NOL4: variants seen among roughly 807,000 people sequenced by gnomAD.
NOL4 encodes cancer/testis antigen 125.
Under a neutral mutation model 75.9 loss-of-function variants are expected in NOL4, and 17 were observed. The ratio of observed to expected loss-of-function variants is 0.22; its 90% confidence interval spans 0.15 to 0.34. NOL4 has a LOEUF of 0.34. NOL4 is among the 10% of genes least tolerant of loss of function. NOL4 has a pLI of 1.00. For missense variants in NOL4, 614 were observed against 793.5 expected (o/e 0.77, Z 2.72); for synonymous variants, 292 against 289.9 (o/e 1.01, Z -0.07).
intron 6 of NOL4, among the ~76,000 whole-genome samples, chr18:33,978,034 A>G (rs1260065310): frequency 6.6e-6 from 1 of 152,086 alleles, no homozygotes; most frequent in East Asian, 1.9e-4. Flanking sequence ...TGCATTTTCC[A>G]TTGCCCAGAA....
intron 1 of NOL4, among the ~76,000 whole-genome samples, chr18:34,176,995 T>C (rs1192330852): frequency 6.6e-6 from 1 of 151,896 alleles, no homozygotes; most frequent in Non-Finnish European, 1.5e-5. Flanking sequence ...TTTTTTTAAA[T>C]ACAGGAATGG....
intron 1 of NOL4, among the ~76,000 whole-genome samples, chr18:34,185,123 T>TA (rs1403961359): frequency 6.6e-6 from 1 of 152,158 alleles, no homozygotes; most frequent in African/African-American, 2.4e-5. Context: ...CTTGCCTCCT[T>TA]ACACTAGATT....
intron 5 of NOL4, among the ~76,000 whole-genome samples, chr18:34,078,783 T>G (rs1398960499): frequency 6.6e-6 from 1 of 152,144 alleles, no homozygotes; most frequent in Non-Finnish European, 1.5e-5. Flanking sequence ...AGGTATATAA[T>G]AAACATAATA....
intron 1 of NOL4, among the ~76,000 whole-genome samples, chr18:34,130,755 C>T (rs951096667): frequency 6.6e-6 from 1 of 151,972 alleles, no homozygotes; most frequent in Non-Finnish European, 1.5e-5. Context: ...ATAATGAACC[C>T]TCAGTAAATG....
At chr18:33,955,752 A>C (rs751607982) in intron 8 of NOL4, among the ~76,000 whole-genome samples, 1 of 152,324 alleles carries the variant, frequency 6.6e-6, no homozygotes, top group Non-Finnish European at 1.5e-5. Flanking sequence ...TTAGCAGCCT[A>C]GTAAACAATG....
At chr18:34,185,856 C>A (rs62095783) in intron 1 of NOL4, among the ~76,000 whole-genome samples, 1 of 152,184 alleles carries the variant, frequency 6.6e-6, no homozygotes, top group Admixed American at 6.6e-5. Flanking sequence ...GGTCCTTTTG[C>A]TCTACCTCAA....
intron 6 of NOL4, among the ~76,000 whole-genome samples, chr18:34,007,400 T>C (rs2074097309): frequency 6.6e-6 from 1 of 151,948 alleles, no homozygotes; most frequent in East Asian, 1.9e-4. Flanking sequence ...GGGTTTAATC[T>C]GAAGTTAAGA....
At chr18:34,159,646 T>C (rs955151724) in intron 1 of NOL4, among the ~76,000 whole-genome samples, 11 of 151,994 alleles carry the variant, frequency 7.2e-5, no homozygotes, top group African/African-American at 2.7e-4. Context: ...CTGGCTTTAG[T>C]CCTTCTCTTC....
At chr18:34,061,333 G>T (rs2077054687) in intron 5 of NOL4, among the ~76,000 whole-genome samples, 1 of 152,126 alleles carries the variant, frequency 6.6e-6, no homozygotes, top group African/African-American at 2.4e-5. Flanking sequence ...ATAATGAGGT[G>T]TTATTGACAA....
chr18:34,109,352 G>T (rs2079472933), intron 2 of NOL4, among the ~76,000 whole-genome samples: 1 of 151,842 alleles, frequency 6.6e-6, no homozygotes, highest in Non-Finnish European at 1.5e-5. Context: ...CTCTAAAAAA[G>T]ATTATAAAAA....
intron 4 of NOL4, among the ~76,000 whole-genome samples, chr18:34,100,368 T>C (rs556412023): frequency 7.4e-4 from 113 of 152,196 alleles, no homozygotes; most frequent in African/African-American, 2.3e-3. Flanking sequence ...TCCTACCTCT[T>C]TCCCCTGCTC....
intron 2 of NOL4, among the ~76,000 whole-genome samples, chr18:34,123,415 A>G (rs982516470): frequency 6.6e-6 from 1 of 150,918 alleles, no homozygotes; most frequent in Admixed American, 6.6e-5. Flanking sequence ...TAAAACCTAT[A>G]TATGTTTGTG....
intron 9 of NOL4, among the ~76,000 whole-genome samples, chr18:33,898,951 T>A (rs571116993): frequency 1.3e-5 from 2 of 152,226 alleles, no homozygotes; most frequent in South Asian, 2.1e-4. Context: ...TTAACTCAAT[T>A]TTGCCTGTAA....
At chr18:34,013,541 C>T (rs1028439367) in intron 6 of NOL4, among the ~76,000 whole-genome samples, 1 of 151,928 alleles carries the variant, frequency 6.6e-6, no homozygotes, top group Non-Finnish European at 1.5e-5. Context: ...CTCTAGTCTC[C>T]AGACTTAAAT....
chr18:34,056,577 C>T (rs547963176), intron 5 of NOL4, among the ~76,000 whole-genome samples: 2 of 152,134 alleles, frequency 1.3e-5, no homozygotes, highest in Non-Finnish European at 2.9e-5. Context: ...GAAACCAATA[C>T]TTCAGGAAGC....
intron 1 of NOL4, among the ~76,000 whole-genome samples, chr18:34,190,599 T>A (rs1408981549): frequency 6.6e-6 from 1 of 151,908 alleles, no homozygotes; most frequent in Admixed American, 6.6e-5. Flanking sequence ...GTCTCTTTTT[T>A]ATCCTTGTAA....
chr18:34,193,555 A>G (rs758434486), intron 1 of NOL4, among the ~76,000 whole-genome samples: 5 of 152,092 alleles, frequency 3.3e-5, no homozygotes, highest in Non-Finnish European at 7.4e-5. Flanking sequence ...TCCCATACGC[A>G]CTATAATGGC....
chr18:34,096,287 T>C (rs879418320), intron 4 of NOL4, among the ~76,000 whole-genome samples: 2 of 152,122 alleles, frequency 1.3e-5, no homozygotes, highest in Non-Finnish European at 2.9e-5. Context: ...CTACTACATA[T>C]GAAATATAAT....
chr18:34,149,991 C>T (rs2081575046), intron 1 of NOL4, among the ~76,000 whole-genome samples: 1 of 151,674 alleles, frequency 6.6e-6, no homozygotes, highest in East Asian at 1.9e-4. Flanking sequence ...CCCTTTGAGG[C>T]AGACTATCGT....
Sources: gnomAD v4.1 joint callset for allele counts (sites outside exome capture counted in the v4.1 genomes callset) on GRCh38, gnomAD v4.1.1 for gene constraint, MANE v1.5 for transcripts, NCBI Gene and HGNC (gene_info 2026-07-23, HGNC 2026-07-21) for gene names.